Variants in MCF2L observed in about 807,000 individuals in gnomAD.
MCF2L encodes the protein guanine nucleotide exchange factor DBS.
In MCF2L, 97 loss-of-function variants were observed where a neutral mutation model predicts 153.4. The ratio of observed to expected loss-of-function variants is 0.63; its 90% CI spans 0.54 to 0.75. The LOEUF (loss-of-function observed/expected upper bound fraction) is 0.75, where lower values mean the gene tolerates loss of function less well. MCF2L is among the 30% of genes least tolerant of loss of function. The pLI is 0.00. For synonymous variants in MCF2L, 659 were observed against 632.2 expected (o/e 1.04, Z -0.64); for missense variants, 1,347 against 1,495.2 (o/e 0.90, Z 1.64).
intron 21 of MCF2L, 54 bp from the exon 22 acceptor site, chr13:113,087,181 C>T (rs1398507708): frequency 8.9e-6 from 13 of 1,467,304 alleles, no homozygotes; most frequent in Admixed American, 5.4e-5. Flanking sequence ...CGATGCGCGT[C>T]CATGGCCCCA....
At chr13:112,976,187 T>TGCGC (rs1346533160) in intron 1 of MCF2L, among the ~76,000 whole-genome samples, 15 of 139,834 alleles carry the variant, frequency 1.1e-4, no homozygotes, top group African/African-American at 3.1e-4. Context: ...TGTGTGTGTG[T>TGCGC]GTGCGTGTGT....
intron 4 of MCF2L, chr13:113,052,647 CTT>C (rs2087429604): frequency 6.3e-6 from 1 of 158,720 alleles, no homozygotes. Context: ...AGCCTCGTGT[CTT>C]TTTCCTCTCA....
rs998502588 is a variant in MCF2L at position 113,014,121 on chromosome 13, G to A, written c.80-642G>A. 5.9e-5 allele frequency among the ~76,000 whole-genome samples: 9 copies of A among 152,376 alleles called. No homozygotes were observed. In the East Asian group the frequency reaches 1.7e-3, roughly 29 times the overall value. On this transcript the variant is annotated intron_variant, in intron 1 of 29. Coordinates refer to ENST00000535094, the MANE Select transcript of MCF2L (RefSeq NM_001112732.3). ...CATGCTCCCCCCGTGCTCCCAGCCA[G>A]TGCTGGCCTGGTGGCTGCAGGTGCT... is the stretch of plus-strand genomic sequence containing the variant.
rs771679692 is a variant in MCF2L, at chr13:113,074,462, G to A, written c.1015G>A (p.Ala339Thr). The change falls in exon 10 of 30, where the codon GCA becomes ACA. Residue 339 changes from alanine to threonine, a missense_variant. Physicochemically the swap from Ala to Thr is moderately conservative, Grantham distance 58. Around this residue, in one of 3 missense-constraint regions of MCF2L, gnomAD observed 820 missense variants for 921.2 expected, o/e 0.89. Transcript: ENST00000535094. The surrounding 1 kb of genome is among the most constrained non-coding windows in gnomAD (Gnocchi z 4.2). ...GTTCCAGGTCAAAGCCATCTTGGAC[G>A]CAGCGTCCCAGAAGATAGCAACCTT... ...GFREVKAILD[A>T]ASQKIATFTD... is the part of the protein sequence containing the mutation. The A allele has an allele frequency of 9.3e-6, 15 of 1,613,786 alleles. No homozygotes were observed. Among genetic ancestry groups the A allele is most frequent in the Middle Eastern group, 1.7e-4 (1 of 6,060 alleles).
At chr13:113,004,154 G>A (rs1326488029) in intron 1 of MCF2L, among the ~76,000 whole-genome samples, 1 of 152,206 alleles carries the variant, frequency 6.6e-6, no homozygotes, top group African/African-American at 2.4e-5. Context: ...GAGTAGGGAG[G>A]TTTGGCTCTG....
At chr13:113,023,081 T>C (rs1594708414) in intron 2 of MCF2L, among the ~76,000 whole-genome samples, 2 of 152,150 alleles carry the variant, frequency 1.3e-5, no homozygotes, top group East Asian at 1.9e-4. Flanking sequence ...GGGGCTTCCT[T>C]AGAATGCAGC....
intron 2 of MCF2L, among the ~76,000 whole-genome samples, chr13:112,934,555 A>ATGC (rs61222550): frequency 0.19 from 27,350 of 147,422 alleles, 2,584 homozygotes; most frequent in South Asian, 0.24. Flanking sequence ...TTTCCAGGGG[A>ATGC]TGCTGCTGCT....
chr13:113,041,556 C>T (rs1234488053), intron 3 of MCF2L, among the ~76,000 whole-genome samples: 1 of 151,584 alleles, frequency 6.6e-6, no homozygotes, highest in Non-Finnish European at 1.5e-5. Context: ...CCCATGACCA[C>T]AGTCAGTATG....
intron 2 of MCF2L, among the ~76,000 whole-genome samples, chr13:112,961,954 C>T (rs2081832280): frequency 1.3e-5 from 2 of 152,220 alleles, no homozygotes; most frequent in Admixed American, 1.3e-4. Context: ...CCTGCGCCAG[C>T]TTCTCCGTTG....
intron 1 of MCF2L, among the ~76,000 whole-genome samples, chr13:113,000,827 G>A (rs910044200): frequency 6.6e-6 from 1 of 152,202 alleles, no homozygotes; most frequent in Non-Finnish European, 1.5e-5. Flanking sequence ...AAGAGGCCGG[G>A]GCCAGCAGGG....
At chr13:113,080,562 C>T (rs1228240344) in intron 15 of MCF2L, among the ~76,000 whole-genome samples, 2 of 152,216 alleles carry the variant, frequency 1.3e-5, no homozygotes, top group East Asian at 1.9e-4. Flanking sequence ...CAGGCAGGGC[C>T]GTAGGCTGCT....
chr13:113,047,771 G>A (rs1274501908), intron 4 of MCF2L, among the ~76,000 whole-genome samples: 4 of 151,950 alleles, frequency 2.6e-5, no homozygotes, highest in East Asian at 1.9e-4. Context: ...CATGTGCCCC[G>A]TCCCCTCTGC....
At chr13:113,056,445 G>A (rs1022494620) in intron 4 of MCF2L, among the ~76,000 whole-genome samples, 10 of 146,076 alleles carry the variant, frequency 6.8e-5, no homozygotes, top group South Asian at 2.2e-4. Context: ...TGAGTGTTTC[G>A]GCGCTGAGTG....
rs1363025412 is a variant in MCF2L at position 112,993,033 on chromosome 13, A to G, written c.80-21730A>G. Among the ~76,000 whole-genome samples, 1 of 152,212 alleles carries G rather than the reference A, an allele frequency of 6.6e-6. No homozygotes were observed. Among genetic ancestry groups the G allele is most frequent in the Non-Finnish European group, 1.5e-5 (1 of 68,030 alleles). On this transcript the variant is annotated intron_variant, in intron 1 of 29. Transcript: ENST00000535094. The surrounding 1 kb of genome is among the most constrained non-coding windows in gnomAD (Gnocchi z 4.6). The stretch of plus-strand genomic sequence containing the variant: ...GGCATCAGGCAGGAGTCCATGGGCC[A>G]TGGGGGTGAGGAGAGAGCGGCTCGC...
chr13:113,079,933 A>G (rs2033943873), intron 15 of MCF2L, among the ~76,000 whole-genome samples: 1 of 150,664 alleles, frequency 6.6e-6, no homozygotes, highest in Non-Finnish European at 1.5e-5. Flanking sequence ...GTCCAGGCAG[A>G]GGAGTGTCCA....
intron 1 of MCF2L, among the ~76,000 whole-genome samples, chr13:112,900,077 C>T (rs1439969345): frequency 6.6e-6 from 1 of 152,162 alleles, no homozygotes. Context: ...TTCATTTTCC[C>T]TTTTGGAGGT....
intron 2 of MCF2L, among the ~76,000 whole-genome samples, chr13:112,955,854 G>A (rs779568220): frequency 6.6e-6 from 1 of 152,128 alleles, no homozygotes; most frequent in Non-Finnish European, 1.5e-5. Flanking sequence ...CCCCAGAAAC[G>A]CTGGAGAATA....
chr13:113,085,686 TGCGAGGG>T lies in MCF2L; in HGVS notation c.2248-436_2248-430del, dbSNP rs1441055935. ...AGGAGGGAGCTCCCCGGGGAGCAGG[TGCGAGGG>T]GTTTGCACCTGGCATCAGGGTGGCA... On this transcript the variant is annotated intron_variant, in intron 20 of 29. Transcript: ENST00000535094. Among the ~76,000 whole-genome samples the T allele has an allele frequency of 2.1e-4, 29 of 139,694 alleles. 1 individual carries two copies. Among genetic ancestry groups the T allele is most frequent in the Admixed American group, 2.8e-4 (4 of 14,474 alleles). 91.6% of individuals were successfully genotyped at this position (139,694 alleles called of 152,430 possible). A position where few individuals can be genotyped will look rare whatever the true frequency, so the allele number is the denominator to read the frequency against.
chr13:113,072,149 G>A (rs1027262929), intron 9 of MCF2L, among the ~76,000 whole-genome samples: 1 of 152,138 alleles, frequency 6.6e-6, no homozygotes, highest in Non-Finnish European at 1.5e-5. Flanking sequence ...ATTCATTGCT[G>A]CACATAGAAA....
Sources: allele counts gnomAD v4.1 joint callset (sites outside exome capture counted in the v4.1 genomes callset), GRCh38; gene constraint gnomAD v4.1.1; regional missense constraint gnomAD v4.1.1; non-coding constraint Gnocchi (gnomAD v3.1); transcripts MANE v1.5; gene names NCBI Gene and HGNC (gene_info 2026-07-23, HGNC 2026-07-21).